Variants in ACSBG1 observed in about 807,000 individuals in gnomAD.
The protein encoded by ACSBG1 is long-chain-fatty-acid--CoA ligase ACSBG1.
In ACSBG1, 39 loss-of-function variants were observed where a neutral mutation model predicts 80.2. The ratio of observed to expected loss-of-function variants is 0.49; its 90% CI spans 0.38 to 0.64. The LOEUF (loss-of-function observed/expected upper bound fraction) is 0.64, where lower values mean the gene tolerates loss of function less well. Among genes scored for constraint, ACSBG1 ranks in the 30% least tolerant of loss-of-function variants. The probability of loss-of-function intolerance (pLI) is 0.00; values close to 1 mark genes in which losing one functional copy is unlikely to be tolerated. For missense variants in ACSBG1, 828 were observed against 966.4 expected (o/e 0.86, Z 1.90); for synonymous variants, 392 against 379.5 (o/e 1.03, Z -0.38).
Position 78,173,731 on chromosome 15 carries a change from C to T in ACSBG1, c.1951G>A (p.Glu651Lys), listed in dbSNP as rs2074852598. The T allele has an allele frequency of 6.2e-7, 1 of 1,614,098 alleles. No homozygotes were observed. Among genetic ancestry groups the T allele is most frequent in the African/African-American group, 1.3e-5 (1 of 74,938 alleles). Residue 651 changes from glutamate to lysine, a missense_variant, in exon 13 of 14, where the codon GAG (glutamate) becomes AAG (lysine). Coordinates refer to ENST00000258873, the MANE Select transcript of ACSBG1 (RefSeq NM_015162.5). ...TGGTACACGGCCTCATCCTTCTTCT[C>T]TATGATCTCGGACACTGTGGTGGCT... ...SRATTVSEII[E>K]KKDEAVYQAI...
chr15:78,200,242 A>T (rs2075154400), intron 2 of ACSBG1, among the ~76,000 whole-genome samples: 1 of 152,104 alleles, frequency 6.6e-6, no homozygotes, highest in Non-Finnish European at 1.5e-5. Flanking sequence ...ATAGGTCTGC[A>T]ATGTCAGTCT....
chr15:78,192,545 GGTT>G (rs984146247), intron 5 of ACSBG1, among the ~76,000 whole-genome samples: 1 of 152,220 alleles, frequency 6.6e-6, no homozygotes, highest in African/African-American at 2.4e-5. Context: ...CCCTCCAAGA[GGTT>G]CTGCCTCAAG....
At chr15:78,186,070 C>G (rs959473173) in intron 5 of ACSBG1, among the ~76,000 whole-genome samples, 2 of 152,162 alleles carry the variant, frequency 1.3e-5, no homozygotes, top group East Asian at 3.9e-4. Context: ...AATCTGGGTG[C>G]TCCTGTATTG....
chr15:78,232,693 T>C (rs1414952729), intron 1 of ACSBG1, among the ~76,000 whole-genome samples: 1 of 152,002 alleles, frequency 6.6e-6, no homozygotes, highest in Non-Finnish European at 1.5e-5. Context: ...TCTTCTTTTT[T>C]TTTTTTTTGA....
At chr15:78,207,925 A>ACCACCCCCCCCCC in intron 2 of ACSBG1, 77 bp downstream of exon 2, 3 of 454,974 alleles carry the variant, frequency 6.6e-6, no homozygotes, top group Middle Eastern at 5.9e-4. Context: ...GGTCCCCCAC[A>ACCACCCCCCCCCC]CCACCCACCC....
rs772359349 is a variant in ACSBG1, at chr15:78,179,629, G to A, written c.1405C>T (p.Arg469Cys). 8.1e-6 allele frequency: 13 copies of A among 1,614,052 alleles called. No individual in the cohort carries two copies. Among genetic ancestry groups the A allele is most frequent in the South Asian group, 2.2e-5 (2 of 91,088 alleles). Reference sequence around the variant, plus strand: ...CTGAGGCCGTAGCCCGCATACAAGCGGATGTTGAGACCCAGGAAGAAGTGC... The same window carrying A: ...CTGAGGCCGTAGCCCGCATACAAGCAGATGTTGAGACCCAGGAAGAAGTGC... Reference protein sequence around the residue: ...TQHFFLGLNIRLYAGYGLSET... With the variant: ...TQHFFLGLNICLYAGYGLSET... Residue 469 changes from arginine to cysteine, a missense_variant, in exon 10 of 14, where the codon CGC (arginine) becomes TGC (cysteine). Transcript: ENST00000258873.
At chr15:78,174,649 C>T in intron 11 of ACSBG1, 125 bp from the exon 12 acceptor site, 1 of 1,239,852 alleles carries the variant, frequency 8.1e-7, no homozygotes, top group Non-Finnish European at 1.1e-6. Context: ...TTTCTGGGAG[C>T]CAAGAAGCAG....
intron 11 of ACSBG1, chr15:78,174,851 G>A (rs975314766): frequency 7.8e-6 from 3 of 383,856 alleles, no homozygotes; most frequent in African/African-American, 4.2e-5. Flanking sequence ...TCCCTTCCCT[G>A]CCTTTGCTTA....
intron 2 of ACSBG1, 85 bp downstream of exon 2, chr15:78,207,917 T>TCCCCCCCCCCCCCCCCCCCCCCCCCACCC: frequency 3.4e-6 from 3 of 876,066 alleles, no homozygotes; most frequent in Non-Finnish European, 3.7e-6. Flanking sequence ...TGTGTGGTGG[T>TCCCCCCCCCCCCCCCCCCCCCCCCCACCC]CCCCCACACC....
chr15:78,198,971 G>C (rs967784763), intron 2 of ACSBG1, among the ~76,000 whole-genome samples: 4 of 152,154 alleles, frequency 2.6e-5, no homozygotes, highest in Non-Finnish European at 5.9e-5. Flanking sequence ...AATGAAACCA[G>C]AGGCAGTCTT....
intron 5 of ACSBG1, among the ~76,000 whole-genome samples, chr15:78,189,233 C>G (rs1415432921): frequency 6.7e-6 from 1 of 150,042 alleles, no homozygotes; most frequent in East Asian, 1.9e-4. Context: ...GGACTGTAAA[C>G]TAGTTCAACC....
chr15:78,172,476 A>G lies in ACSBG1; in HGVS notation c.2090-947T>C, dbSNP rs1344195573. Among the ~76,000 whole-genome samples the G allele has an allele frequency of 6.6e-6, 1 of 152,202 alleles. No individual in the cohort carries two copies. Among genetic ancestry groups the G allele is most frequent in the Non-Finnish European group, 1.5e-5 (1 of 68,038 alleles). On this transcript the variant is annotated intron_variant, in intron 13 of 13. Transcript: ENST00000258873. The surrounding 1 kb of genome is among the most constrained non-coding windows in gnomAD (Gnocchi z 4.1). The stretch of plus-strand genomic sequence containing the variant: ...TCTTAACCTTGATTTATCCCCCAAA[A>G]GCAAGTTTGAAAGAGCTCTGATTTG...
At chr15:78,218,009 CAT>C (rs1354695955) in intron 1 of ACSBG1, among the ~76,000 whole-genome samples, 2 of 152,140 alleles carry the variant, frequency 1.3e-5, no homozygotes, top group African/African-American at 4.8e-5. Flanking sequence ...TCAAAGCTGA[CAT>C]AATTTCAGCC....
At chr15:78,189,016 G>C (rs2075032759) in intron 5 of ACSBG1, among the ~76,000 whole-genome samples, 1 of 151,294 alleles carries the variant, frequency 6.6e-6, no homozygotes, top group Non-Finnish European at 1.5e-5. Flanking sequence ...CGAAGGACAT[G>C]AACAGACACT....
rs1240168999 is a variant in ACSBG1 at position 78,177,576 on chromosome 15, A to G, written c.1702+1038T>C. 6.6e-6 allele frequency among the ~76,000 whole-genome samples: 1 copy of G among 152,232 alleles called. No individual in the cohort carries two copies. Among genetic ancestry groups the G allele is most frequent in the Non-Finnish European group, 1.5e-5 (1 of 68,018 alleles). On this transcript the variant is annotated intron_variant, in intron 11 of 13. Coordinates refer to ENST00000258873, the MANE Select transcript of ACSBG1 (RefSeq NM_015162.5). The surrounding 1 kb of genome is among the most constrained non-coding windows in gnomAD (Gnocchi z 4.1). ...GCACACTAGGCGGCGCCCATGGCAC[A>G]TCCAAGCAGTCACCTGTTGCTCCCG...
intron 5 of ACSBG1, among the ~76,000 whole-genome samples, chr15:78,187,666 G>C: frequency 6.6e-6 from 1 of 152,138 alleles, no homozygotes; most frequent in East Asian, 1.9e-4. Context: ...GTATTGATGG[G>C]ATGTATCTCA....
chr15:78,214,261 C>G (rs1335367408), intron 1 of ACSBG1, among the ~76,000 whole-genome samples: 1 of 152,144 alleles, frequency 6.6e-6, no homozygotes, highest in African/African-American at 2.4e-5. Flanking sequence ...CCCTGGTGAT[C>G]TGCCCACCTC....
chr15:78,230,289 C>T (rs2075435942), intron 1 of ACSBG1, among the ~76,000 whole-genome samples: 1 of 152,244 alleles, frequency 6.6e-6, no homozygotes, highest in Admixed American at 6.5e-5. Flanking sequence ...CGGACACCTG[C>T]CCCAGTCACT....
At chr15:78,204,652 T>C (rs987080288) in intron 2 of ACSBG1, among the ~76,000 whole-genome samples, 1 of 152,222 alleles carries the variant, frequency 6.6e-6, no homozygotes, top group Admixed American at 6.5e-5. Flanking sequence ...TCACTGGCAC[T>C]CATTTCCTCT....
Sources: allele counts gnomAD v4.1 joint callset (sites outside exome capture counted in the v4.1 genomes callset), GRCh38; gene constraint gnomAD v4.1.1; non-coding constraint Gnocchi (gnomAD v3.1); transcripts MANE v1.5; gene names NCBI Gene and HGNC (gene_info 2026-07-23, HGNC 2026-07-21).